The following INPP4A variants were observed in gnomAD, a reference collection of about 807,000 sequenced individuals.
INPP4A encodes inositol polyphosphate-4-phosphatase type I A, also known as inositol polyphosphate-4-phosphatase, type I, 107kD.
In INPP4A, 33 loss-of-function variants were observed where a neutral mutation model predicts 119.8. The observed-to-expected ratio is 0.28, with a 90% CI of 0.21 to 0.37. The LOEUF is 0.37. Among genes scored for constraint, INPP4A ranks in the 10% least tolerant of loss-of-function variants. The probability of loss-of-function intolerance (pLI) is 1.00; values close to 1 mark genes in which losing one functional copy is unlikely to be tolerated. For missense variants in INPP4A, 956 were observed against 1,289.9 expected (o/e 0.74, Z 3.97); for synonymous variants, 496 against 500.7 (o/e 0.99, Z 0.12).
intron 19 of INPP4A, among the ~76,000 whole-genome samples, chr2:98,565,317 G>A (rs888734386): frequency 3.3e-5 from 5 of 152,206 alleles, no homozygotes; most frequent in Non-Finnish European, 5.9e-5. Context: ...CTCTCATTTC[G>A]TGTTTCAAGA....
At chr2:98,572,783 A>C (rs982156869) in intron 22 of INPP4A, 32 bp from the exon 23 acceptor site, 1 of 1,484,126 alleles carries the variant, frequency 6.7e-7, no homozygotes, top group African/African-American at 1.4e-5. Flanking sequence ...TGGGTGCGTC[A>C]CCCACTCCCA....
chr2:98,498,000 G>C (rs1682376368), intron 1 of INPP4A, among the ~76,000 whole-genome samples: 1 of 152,250 alleles, frequency 6.6e-6, no homozygotes, highest in South Asian at 2.1e-4. Flanking sequence ...AGGCAGAAGG[G>C]ACGTGCCTTG....
chr2:98,560,617 G>A (rs1695298179), intron 17 of INPP4A, among the ~76,000 whole-genome samples: 1 of 152,224 alleles, frequency 6.6e-6, no homozygotes, highest in Non-Finnish European at 1.5e-5. Flanking sequence ...GGTTACTGAG[G>A]CCTTGGTAGA....
intron 11 of INPP4A, 63 bp downstream of exon 11, chr2:98,544,070 C>T: frequency 7.0e-7 from 1 of 1,419,182 alleles, no homozygotes; most frequent in Non-Finnish European, 9.6e-7. Flanking sequence ...CACACTCTCA[C>T]TCTCACTCAG....
At chr2:98,517,151 C>G (rs1344879932) in intron 1 of INPP4A, among the ~76,000 whole-genome samples, 2 of 152,162 alleles carry the variant, frequency 1.3e-5, no homozygotes, top group African/African-American at 2.4e-5. Flanking sequence ...GCCACAGATT[C>G]GTTTGGCCTG....
intron 13 of INPP4A, among the ~76,000 whole-genome samples, chr2:98,550,831 G>T (rs1477215030): frequency 6.6e-6 from 1 of 152,136 alleles, no homozygotes; most frequent in Non-Finnish European, 1.5e-5. Context: ...TTTTCTCTTG[G>T]CCTGGGCAGA....
In INPP4A at chr2:98,566,565, A is replaced by G. The variant is rs1696483234; in HGVS notation, c.2420+396A>G. On this transcript the variant is annotated intron_variant, in intron 21 of 24. Coordinates refer to ENST00000409851, the MANE Select transcript of INPP4A (RefSeq NM_001134225.2). The surrounding 1 kb of genome is among the most constrained non-coding windows in gnomAD (Gnocchi z 4.2). Reference sequence around the variant, plus strand: ...AGGTGGAGGGGAGACATGTCAGATTAAGAAGACTGAAGAAAGGCCTGGCGA... The same window carrying G: ...AGGTGGAGGGGAGACATGTCAGATTGAGAAGACTGAAGAAAGGCCTGGCGA... Among the ~76,000 whole-genome samples the G allele has an allele frequency of 6.6e-6, 1 of 152,316 alleles. No individual in the cohort carries two copies. The highest frequency in any genetic ancestry group is 1.5e-5 in the Non-Finnish European group (1 of 68,016).
chr2:98,528,397 CAG>C (rs2105853053), intron 4 of INPP4A, among the ~76,000 whole-genome samples: 1 of 152,306 alleles, frequency 6.6e-6, no homozygotes, highest in African/African-American at 2.4e-5. Context: ...AACAGAGCCT[CAG>C]AGACCTGTGG....
At chr2:98,458,668 G>A (rs914511018) in intron 1 of INPP4A, among the ~76,000 whole-genome samples, 1 of 152,112 alleles carries the variant, frequency 6.6e-6, no homozygotes, top group Non-Finnish European at 1.5e-5. Context: ...CCATTCTGCT[G>A]GTATCCTGGG....
intron 24 of INPP4A, chr2:98,581,937 C>A: frequency 9.9e-7 from 1 of 1,014,668 alleles, no homozygotes; most frequent in Non-Finnish European, 1.4e-6. Context: ...AATTATTTCA[C>A]CAAGAAGACT....
intron 13 of INPP4A, among the ~76,000 whole-genome samples, chr2:98,550,108 G>T (rs769533465): frequency 4.6e-5 from 7 of 152,020 alleles, no homozygotes; most frequent in African/African-American, 7.3e-5. Flanking sequence ...GGTGTTTTGG[G>T]TTGAACCTTG....
chr2:98,581,789 A>G (rs759469445), intron 24 of INPP4A: 4 of 1,593,436 alleles, frequency 2.5e-6, no homozygotes, highest in East Asian at 2.3e-5. Context: ...AGTCACAAGA[A>G]AAACAAAAGT....
intron 1 of INPP4A, among the ~76,000 whole-genome samples, chr2:98,485,175 C>T (rs1679291084): frequency 6.6e-6 from 1 of 152,228 alleles, no homozygotes; most frequent in Admixed American, 6.5e-5. Context: ...ATGCAGGGTC[C>T]TTGCTGCTTG....
At chr2:98,529,355 G>A (rs186995646) in intron 4 of INPP4A, among the ~76,000 whole-genome samples, 50 of 152,240 alleles carry the variant, frequency 3.3e-4, no homozygotes, top group African/African-American at 1.1e-3. Flanking sequence ...GTGAATGGGG[G>A]TAATGGGTTT....
chr2:98,457,645 C>T (rs1219375381), intron 1 of INPP4A, among the ~76,000 whole-genome samples: 2 of 152,096 alleles, frequency 1.3e-5, no homozygotes, highest in South Asian at 2.1e-4. Context: ...TACCTCAGAA[C>T]GTAGATTTGT....
intron 1 of INPP4A, among the ~76,000 whole-genome samples, chr2:98,459,542 A>C (rs146838308): frequency 6.6e-6 from 1 of 152,154 alleles, no homozygotes; most frequent in African/African-American, 2.4e-5. Context: ...CAAGTGTTAG[A>C]TTCTACTTTA....
At chr2:98,449,505 T>C (rs892569854) in intron 1 of INPP4A, among the ~76,000 whole-genome samples, 1 of 152,350 alleles carries the variant, frequency 6.6e-6, no homozygotes, top group Admixed American at 6.5e-5. Context: ...CAAGTGCTCA[T>C]CATTCTTTGA....
intron 1 of INPP4A, among the ~76,000 whole-genome samples, chr2:98,466,498 G>C (rs1404786505): frequency 6.6e-6 from 1 of 152,228 alleles, no homozygotes; most frequent in Non-Finnish European, 1.5e-5. Context: ...CTGTGCCTCA[G>C]CATGCAGCAC....
At chr2:98,471,490 C>G (rs1376924236) in intron 1 of INPP4A, among the ~76,000 whole-genome samples, 1 of 152,074 alleles carries the variant, frequency 6.6e-6, no homozygotes, top group Non-Finnish European at 1.5e-5. Context: ...TCTGTTAGAC[C>G]ATCTGAGAAT....
Sources: allele counts gnomAD v4.1 joint callset (sites outside exome capture counted in the v4.1 genomes callset), GRCh38; gene constraint gnomAD v4.1.1; non-coding constraint Gnocchi (gnomAD v3.1); transcripts MANE v1.5; gene names NCBI Gene and HGNC (gene_info 2026-07-23, HGNC 2026-07-21).